Variants in XYLT1 observed in about 807,000 individuals in gnomAD.
XYLT1 encodes the protein xylosyltransferase 1.
A neutral mutation model predicts 91.3 loss-of-function variants in XYLT1; 36 were observed. The observed-to-expected ratio is 0.39, with a 90% CI of 0.30 to 0.52. XYLT1 has a LOEUF of 0.52. XYLT1 is among the 20% of genes least tolerant of loss of function. XYLT1 has a pLI of 0.68. For missense variants in XYLT1, 1,242 were observed against 1,284.5 expected (o/e 0.97, Z 0.51); for synonymous variants, 588 against 532.0 (o/e 1.11, Z -1.45).
intron 1 of XYLT1, among the ~76,000 whole-genome samples, chr16:17,378,386 C>T (rs79116129): frequency 0.016 from 2,416 of 152,122 alleles, 31 homozygotes; most frequent in South Asian, 0.035. Flanking sequence ...ATTGGGCTTA[C>T]TCAAAGAGGC....
intron 1 of XYLT1, among the ~76,000 whole-genome samples, chr16:17,431,481 T>G (rs2036390461): frequency 6.6e-6 from 1 of 152,142 alleles, no homozygotes; most frequent in Non-Finnish European, 1.5e-5. Flanking sequence ...GAACCCAAAT[T>G]TAAGAAGCAC....
At chr16:17,119,122 G>A (rs1196282892) in intron 10 of XYLT1, among the ~76,000 whole-genome samples, 1 of 152,176 alleles carries the variant, frequency 6.6e-6, no homozygotes, top group African/African-American at 2.4e-5. Context: ...AGCTCTGTGT[G>A]AACAGGGGTT....
intron 2 of XYLT1, among the ~76,000 whole-genome samples, chr16:17,343,750 T>C (rs2035100144): frequency 1.3e-5 from 2 of 152,194 alleles, no homozygotes; most frequent in African/African-American, 4.8e-5. Context: ...ATTACAGGCA[T>C]GAGCCACCAT....
chr16:17,152,696 T>C (rs2141533873), intron 6 of XYLT1, among the ~76,000 whole-genome samples: 1 of 152,324 alleles, frequency 6.6e-6, no homozygotes, highest in Non-Finnish European at 1.5e-5. Context: ...GGGAGGCAGC[T>C]CAGATGCCAT....
rs1217571176 is a variant in XYLT1 at position 17,105,923 on chromosome 16, A to T, written c.*2772T>A. The T allele has an allele frequency of 6.6e-6, 1 of 152,076 alleles. No homozygotes were observed. The highest frequency in any genetic ancestry group is 1.9e-4 in the East Asian group (1 of 5,194). The allele number at this position is 152,076 out of a possible 1,614,324, so 9.4% of individuals were successfully genotyped here. ...GCTTTGTTTGGGATTTTCCTTAAAA[A>T]AAAAAACAAAACACAAAAACACAAC... On this transcript the variant is annotated 3_prime_UTR_variant, in exon 12 of 12. Coordinates refer to ENST00000261381, the MANE Select transcript of XYLT1 (RefSeq NM_022166.4).
intron 2 of XYLT1, 70 bp downstream of exon 2, chr16:17,357,942 C>T (rs376544889): frequency 3.6e-5 from 56 of 1,559,222 alleles, no homozygotes; most frequent in East Asian, 2.7e-4. Flanking sequence ...TTCAGAGCCA[C>T]GGGACAAGTC....
chr16:17,389,815 C>T (rs1045749701), intron 1 of XYLT1, among the ~76,000 whole-genome samples: 1 of 152,208 alleles, frequency 6.6e-6, no homozygotes, highest in African/African-American at 2.4e-5. Flanking sequence ...ACTTTTTATC[C>T]TCTGCTATAA....
intron 1 of XYLT1, among the ~76,000 whole-genome samples, chr16:17,423,719 G>A (rs6498707): frequency 0.013 from 1,933 of 152,052 alleles, 10 homozygotes; most frequent in Non-Finnish European, 0.014. Flanking sequence ...AGGTTCAAGC[G>A]ATTCTCCTGC....
At position 17,350,018 on chromosome 16, in the gene XYLT1, C is replaced by T. The variant is rs545705021; in HGVS notation, c.402+7994G>A. On this transcript the variant is annotated intron_variant, in intron 2 of 11. Transcript: ENST00000261381. ...CCTCCCAAATAGCTGGGACTACAGGCGCCCACCACCACACCCGGCTAATTT... is the reference window on the plus strand; with the variant it reads ...CCTCCCAAATAGCTGGGACTACAGGTGCCCACCACCACACCCGGCTAATTT... 2.8e-4 allele frequency among the ~76,000 whole-genome samples: 43 copies of T among 152,110 alleles called. No individual in the cohort carries two copies. In the South Asian group the frequency reaches 4.8e-3, roughly 17 times the overall value.
chr16:17,186,394 T>G (rs2032183364), intron 5 of XYLT1, among the ~76,000 whole-genome samples: 1 of 151,608 alleles, frequency 6.6e-6, no homozygotes, highest in East Asian at 1.9e-4. Context: ...TGAGCCACCA[T>G]GCCCAGCCGA....
chr16:17,441,628 C>T (rs1193447043), intron 1 of XYLT1, among the ~76,000 whole-genome samples: 4 of 152,156 alleles, frequency 2.6e-5, no homozygotes, highest in Non-Finnish European at 1.5e-5. Flanking sequence ...CCTTAAAGTC[C>T]TGCCTTAAAT....
rs2034563160 is a variant in XYLT1, at chr16:17,312,279, G to A, written c.402+45733C>T. Among the ~76,000 whole-genome samples the A allele has an allele frequency of 6.6e-6, 1 of 152,018 alleles. No individual in the cohort carries two copies. Among genetic ancestry groups the A allele is most frequent in the Admixed American group, 6.6e-5 (1 of 15,262 alleles). ...GGAGGGAGATCCAGGGGAAGGGTAG[G>A]GCCTGGAGATCACAGAAGTTCTGCC... On this transcript the variant is annotated intron_variant, in intron 2 of 11. Transcript: ENST00000261381. This position sits in a 1 kb window ranked among gnomAD's most constrained non-coding sequence, Gnocchi z 4.4.
chr16:17,150,777 A>C (rs1227990165), intron 6 of XYLT1, among the ~76,000 whole-genome samples: 1 of 152,190 alleles, frequency 6.6e-6, no homozygotes, highest in Non-Finnish European at 1.5e-5. Flanking sequence ...GCTATATAGG[A>C]ACAAATATGG....
rs539071819 is a variant in XYLT1, at chr16:17,344,693, C to G, written c.402+13319G>C. On this transcript the variant is annotated intron_variant, in intron 2 of 11. Coordinates refer to ENST00000261381, the MANE Select transcript of XYLT1 (RefSeq NM_022166.4). ...GGGCTTTTGAGATGTGTCTTCGCAG[C>G]CAACTGTCTAAGGATTCTTTTTTTT... 2.0e-5 allele frequency among the ~76,000 whole-genome samples: 3 copies of G among 151,684 alleles called. No individual in the cohort carries two copies. In the East Asian group the frequency reaches 5.8e-4, roughly 30 times the overall value.
chr16:17,148,014 C>T (rs958804912), intron 6 of XYLT1, among the ~76,000 whole-genome samples: 3 of 152,238 alleles, frequency 2.0e-5, no homozygotes, highest in African/African-American at 7.2e-5. Flanking sequence ...GGTGACACTA[C>T]AGCAAACAGA....
intron 5 of XYLT1, among the ~76,000 whole-genome samples, chr16:17,187,950 C>T (rs2032222214): frequency 6.6e-6 from 1 of 152,088 alleles, no homozygotes; most frequent in Non-Finnish European, 1.5e-5. Flanking sequence ...CTCACGCTTG[C>T]TTCTCTGTTC....
At chr16:17,383,470 G>A (rs1032131888) in intron 1 of XYLT1, among the ~76,000 whole-genome samples, 2 of 151,862 alleles carry the variant, frequency 1.3e-5, no homozygotes, top group Admixed American at 6.6e-5. Flanking sequence ...AAGATTCCTT[G>A]TGGCAGGGGC....
intron 2 of XYLT1, among the ~76,000 whole-genome samples, chr16:17,322,081 C>T (rs976031734): frequency 6.6e-6 from 1 of 152,168 alleles, no homozygotes; most frequent in Non-Finnish European, 1.5e-5. Context: ...TACAACAGAA[C>T]GGAACCCCTG....
chr16:17,218,353 C>T (rs148268021), intron 3 of XYLT1, among the ~76,000 whole-genome samples: 260 of 142,300 alleles, frequency 1.8e-3, no homozygotes, highest in African/African-American at 6.1e-3. Flanking sequence ...GGGAGTAGTG[C>T]GGACTTTTGT....
Sources: allele counts gnomAD v4.1 joint callset (sites outside exome capture counted in the v4.1 genomes callset), GRCh38; gene constraint gnomAD v4.1.1; non-coding constraint Gnocchi (gnomAD v3.1); transcripts MANE v1.5; gene names NCBI Gene and HGNC (gene_info 2026-07-23, HGNC 2026-07-21).